The following KDM4C variants were observed in gnomAD, a reference collection of about 807,000 sequenced individuals.
KDM4C encodes the protein lysine-specific demethylase 4C.
KDM4C carries 81 observed loss-of-function variants against 129.3 expected under a neutral mutation model. The observed-to-expected ratio is 0.63, with a 90% CI of 0.52 to 0.75. The LOEUF is 0.75. Among genes scored for constraint, KDM4C ranks in the 30% least tolerant of loss-of-function variants. KDM4C has a pLI of 0.00. For missense variants in KDM4C, 1,457 were observed against 1,304.0 expected, an observed-to-expected ratio of 1.12 and a Z score of -1.81; for synonymous variants, 573 against 456.1, an observed-to-expected ratio of 1.26 and a Z score of -3.26.
chr9:6,997,391 C>T (rs766607922), intron 12 of KDM4C, among the ~76,000 whole-genome samples: 4 of 152,166 alleles, frequency 2.6e-5, no homozygotes, highest in East Asian at 3.8e-4. Context: ...AAACAAAATC[C>T]AGAAACAAAC....
chr9:7,122,286 T>TCTCTCTCTCTCTCTC (rs1554752013), intron 18 of KDM4C, among the ~76,000 whole-genome samples: 18 of 87,796 alleles, frequency 2.1e-4, no homozygotes, highest in African/African-American at 6.5e-4. Flanking sequence ...CTCTCTCTCT[T>TCTCTCTCTCTCTCTC]AAACAGCCAG....
At chr9:6,742,705 T>G (rs1817742316) in intron 1 of KDM4C, among the ~76,000 whole-genome samples, 1 of 151,026 alleles carries the variant, frequency 6.6e-6, no homozygotes, top group South Asian at 2.1e-4. Flanking sequence ...AGAAGGAGTC[T>G]CACTCAATTG....
chr9:6,981,238 C>G, intron 9 of KDM4C, 120 bp downstream of exon 9: 1 of 690,608 alleles, frequency 1.4e-6, no homozygotes, highest in Non-Finnish European at 2.3e-6. Context: ...TAATACCTTT[C>G]TGAAAATGTG....
chr9:6,847,385 C>G (rs1375580870), intron 4 of KDM4C, among the ~76,000 whole-genome samples: 2 of 152,100 alleles, frequency 1.3e-5, no homozygotes, highest in Non-Finnish European at 2.9e-5. Context: ...AAAGTTGGAA[C>G]CTAGGATCTT....
At chr9:6,751,048 G>C (rs985357026) in intron 1 of KDM4C, among the ~76,000 whole-genome samples, 1 of 152,130 alleles carries the variant, frequency 6.6e-6, no homozygotes, top group African/African-American at 2.4e-5. Flanking sequence ...TCTCAGGACC[G>C]TATCATAAGA....
intron 8 of KDM4C, among the ~76,000 whole-genome samples, chr9:6,977,828 G>T (rs1833188162): frequency 6.6e-6 from 1 of 151,954 alleles, no homozygotes; most frequent in Non-Finnish European, 1.5e-5. Flanking sequence ...CCACAAGTCT[G>T]GGATTGCTCC....
In KDM4C at chr9:6,901,564, C is replaced by G. The variant is rs117749291; in HGVS notation, c.921+8332C>G. Among the ~76,000 whole-genome samples the G allele has an allele frequency of 1.4e-3, 212 of 152,298 alleles. 5 individuals are homozygous for G. In the East Asian group the frequency reaches 0.037, roughly 26 times the overall value. On this transcript the variant is annotated intron_variant, in intron 8 of 21. Transcript: ENST00000381309. ...CAGTGTGAGAACTAGGCTCATCTAC[C>G]CCCATTTGCGAGGAAAATCTTTCCT...
intron 8 of KDM4C, among the ~76,000 whole-genome samples, chr9:6,901,928 AC>A (rs1000442880): frequency 5.9e-5 from 9 of 152,106 alleles, no homozygotes; most frequent in Admixed American, 1.3e-4. Flanking sequence ...ATAAGTATGG[AC>A]CCCTGGCCCC....
intron 17 of KDM4C, among the ~76,000 whole-genome samples, chr9:7,102,223 A>G (rs1444126236): frequency 6.7e-6 from 1 of 150,364 alleles, no homozygotes; most frequent in Non-Finnish European, 1.5e-5. Flanking sequence ...CCTAATGTAT[A>G]GGGTCCTTAT....
At chr9:7,102,536 A>G (rs1188013594) in intron 17 of KDM4C, among the ~76,000 whole-genome samples, 1 of 152,106 alleles carries the variant, frequency 6.6e-6, no homozygotes, top group Non-Finnish European at 1.5e-5. Flanking sequence ...AGGCAGTGGC[A>G]GTTGGTATAG....
intron 2 of KDM4C, among the ~76,000 whole-genome samples, chr9:6,803,751 GAAAAA>G (rs869296822): frequency 1.5e-5 from 1 of 65,120 alleles, no homozygotes; most frequent in East Asian, 4.8e-4. Context: ...GTAACAAAAA[GAAAAA>G]AAAAAAAAAA....
intron 15 of KDM4C, among the ~76,000 whole-genome samples, chr9:7,018,704 C>G (rs1251111487): frequency 6.6e-6 from 1 of 152,226 alleles, no homozygotes; most frequent in Non-Finnish European, 1.5e-5. Context: ...GCATGGCAAC[C>G]TAGGGCCAGG....
At chr9:7,101,593 G>A (rs1379115914) in intron 17 of KDM4C, among the ~76,000 whole-genome samples, 2 of 152,166 alleles carry the variant, frequency 1.3e-5, no homozygotes, top group Non-Finnish European at 1.5e-5. Context: ...CCCCACTTCT[G>A]GTCCTCCTGG....
chr9:6,832,847 A>T (rs1432512136), intron 4 of KDM4C, among the ~76,000 whole-genome samples: 2 of 146,252 alleles, frequency 1.4e-5, no homozygotes, highest in Admixed American at 6.9e-5. Flanking sequence ...CCTGCCTCAG[A>T]CTCTGTAGTA....
intron 17 of KDM4C, among the ~76,000 whole-genome samples, chr9:7,078,463 C>G (rs1587497189): frequency 6.6e-6 from 1 of 151,702 alleles, no homozygotes; most frequent in South Asian, 2.1e-4. Flanking sequence ...ATGCTGGACA[C>G]ATTTTTCTTA....
chr9:7,167,595 T>A (rs1844521454), intron 20 of KDM4C, among the ~76,000 whole-genome samples: 2 of 152,144 alleles, frequency 1.3e-5, no homozygotes, highest in African/African-American at 2.4e-5. Flanking sequence ...ACAGCAAGGG[T>A]TCTCATGTGA....
chr9:6,806,872 GTCTCCGTCTCCCTCTCCC>G (rs879464674), intron 3 of KDM4C, among the ~76,000 whole-genome samples: 4,838 of 132,754 alleles, frequency 0.036, 258 homozygotes, highest in African/African-American at 0.13. Context: ...CTCCCTCTCC[GTCTCCGTCTCCCTCTCCC>G]TCTCCCTCTC....
intron 1 of KDM4C, among the ~76,000 whole-genome samples, chr9:6,774,555 C>G (rs1167886802): frequency 6.6e-6 from 1 of 152,074 alleles, no homozygotes; most frequent in Admixed American, 6.6e-5. Flanking sequence ...ATCCCAGCTA[C>G]TTGGGAGGCT....
chr9:6,817,094 A>G (rs1485251014), intron 4 of KDM4C, among the ~76,000 whole-genome samples: 2 of 151,944 alleles, frequency 1.3e-5, no homozygotes, highest in Non-Finnish European at 2.9e-5. Context: ...ATATTGAAGG[A>G]TATATGATTG....
Sources: gnomAD v4.1 joint callset for allele counts (sites outside exome capture counted in the v4.1 genomes callset) on GRCh38, gnomAD v4.1.1 for gene constraint, MANE v1.5 for transcripts, NCBI Gene and HGNC (gene_info 2026-07-23, HGNC 2026-07-21) for gene names.